SEMA6D: variants seen among roughly 807,000 people sequenced by gnomAD.
The protein encoded by SEMA6D is semaphorin-6D.
Under a neutral mutation model 106.6 loss-of-function variants are expected in SEMA6D, and 35 were observed. That is an observed-to-expected ratio of 0.33 (90% CI 0.25 to 0.44). The LOEUF is 0.44. SEMA6D is among the 20% of genes least tolerant of loss of function. The probability of loss-of-function intolerance (pLI) is 1.00; values close to 1 mark genes in which losing one functional copy is unlikely to be tolerated. For synonymous variants in SEMA6D, 499 were observed against 487.7 expected (o/e 1.02, Z -0.31); for missense variants, 1,185 against 1,345.9 (o/e 0.88, Z 1.87).
At chr15:47,704,670 G>A (rs1040706242) in intron 4 of SEMA6D, among the ~76,000 whole-genome samples, 6 of 152,066 alleles carry the variant, frequency 3.9e-5, no homozygotes, top group African/African-American at 1.4e-4. Context: ...ATGGAGCCAT[G>A]ATCATGCCAC....
At chr15:47,319,460 A>G (rs879413786) in intron 1 of SEMA6D, among the ~76,000 whole-genome samples, 2 of 152,138 alleles carry the variant, frequency 1.3e-5, no homozygotes, top group Non-Finnish European at 2.9e-5. Context: ...CTATAGTCCT[A>G]TAAGTAGGTC....
intron 1 of SEMA6D, among the ~76,000 whole-genome samples, chr15:47,205,931 T>TTTATC (rs71118158): frequency 0.42 from 63,714 of 151,540 alleles, 14,124 homozygotes; most frequent in African/African-American, 0.54. Flanking sequence ...ACAACATTTA[T>TTTATC]TTATTTTGCC....
chr15:47,246,308 A>G (rs2033194195), intron 1 of SEMA6D, among the ~76,000 whole-genome samples: 1 of 152,144 alleles, frequency 6.6e-6, no homozygotes, highest in African/African-American at 2.4e-5. Flanking sequence ...ATTAGAGCCT[A>G]GTTGGAGCTG....
chr15:47,321,009 C>A (rs1317829572), intron 1 of SEMA6D, among the ~76,000 whole-genome samples: 2 of 152,174 alleles, frequency 1.3e-5, no homozygotes, highest in African/African-American at 2.4e-5. Context: ...CACTATGTAG[C>A]TTGATACTTA....
chr15:47,670,747 G>A (rs2078120544), intron 4 of SEMA6D, among the ~76,000 whole-genome samples: 1 of 152,150 alleles, frequency 6.6e-6, no homozygotes, highest in Non-Finnish European at 1.5e-5. Flanking sequence ...CATTTTTAAA[G>A]GGCTGCTATT....
chr15:47,617,821 C>A (rs1308568544), intron 4 of SEMA6D, among the ~76,000 whole-genome samples: 1 of 152,120 alleles, frequency 6.6e-6, no homozygotes, highest in African/African-American at 2.4e-5. Context: ...TAGAACATTG[C>A]CTGGCACAAA....
At chr15:47,313,323 C>T (rs1425173146) in intron 1 of SEMA6D, among the ~76,000 whole-genome samples, 1 of 152,110 alleles carries the variant, frequency 6.6e-6, no homozygotes, top group African/African-American at 2.4e-5. Flanking sequence ...TTTTTACTGT[C>T]TCCATAGTTT....
At chr15:47,652,421 G>A (rs963906743) in intron 4 of SEMA6D, among the ~76,000 whole-genome samples, 3 of 152,132 alleles carry the variant, frequency 2.0e-5, no homozygotes, top group Non-Finnish European at 2.9e-5. Context: ...ATAGGACTTT[G>A]AAGTCTGTGC....
At chr15:47,444,931 G>C (rs1482154105) in intron 2 of SEMA6D, among the ~76,000 whole-genome samples, 1 of 152,118 alleles carries the variant, frequency 6.6e-6, no homozygotes, top group African/African-American at 2.4e-5. Flanking sequence ...ACACGGACTT[G>C]AAGGATGAAT....
rs148508215 is a variant in SEMA6D, at chr15:47,501,549, G to C, written c.-87+31004G>C. ...ATTTAAATTTTAGACTTAAGGTCTA[G>C]TTCAGAAACTAGGTCTATATCTGCC... On this transcript the variant is annotated intron_variant, in intron 3 of 19. Coordinates refer to the SEMA6D transcript ENST00000558014. Among the ~76,000 whole-genome samples, 334 of 152,268 alleles carry C rather than the reference G, an allele frequency of 2.2e-3. 1 individual carries two copies. Among genetic ancestry groups the C allele is most frequent in the African/African-American group, 7.8e-3 (324 of 41,562 alleles).
chr15:47,643,501 G>A lies in SEMA6D; in HGVS notation c.-55+42605G>A, dbSNP rs564379481. On this transcript the variant is annotated intron_variant, in intron 4 of 19. Coordinates refer to the SEMA6D transcript ENST00000558014. Reference sequence around the variant, plus strand: ...TTTTATGTACTTGCTAATCACTTGGGGATTTTAGTAAAATGCAGATTCTGA... The same window carrying A: ...TTTTATGTACTTGCTAATCACTTGGAGATTTTAGTAAAATGCAGATTCTGA... Among the ~76,000 whole-genome samples, 5 of 152,230 alleles carry A rather than the reference G, an allele frequency of 3.3e-5. No individual in the cohort carries two copies. In the South Asian group the frequency reaches 6.2e-4, roughly 19 times the overall value.
chr15:47,336,340 G>A (rs561600496), intron 1 of SEMA6D, among the ~76,000 whole-genome samples: 14 of 152,260 alleles, frequency 9.2e-5, no homozygotes, highest in African/African-American at 3.4e-4. Flanking sequence ...TGGGAATCTC[G>A]GGAAGATTGC....
At chr15:47,553,485 T>C (rs1041035809) in intron 3 of SEMA6D, among the ~76,000 whole-genome samples, 3 of 152,192 alleles carry the variant, frequency 2.0e-5, no homozygotes, top group Non-Finnish European at 2.9e-5. Context: ...TGGCATATTT[T>C]ATTCCTGCTA....
chr15:47,227,906 A>ATCTTATATATATTTTATATATATAAGAT (rs1566938357), intron 1 of SEMA6D, among the ~76,000 whole-genome samples: 6 of 141,136 alleles, frequency 4.3e-5, no homozygotes, highest in Non-Finnish European at 7.6e-5. Flanking sequence ...ATATATAAGA[A>ATCTTATATATATTTTATATATATAAGAT]TCTTATATAT....
chr15:47,585,104 C>T (rs2076314678), intron 3 of SEMA6D, among the ~76,000 whole-genome samples: 1 of 152,190 alleles, frequency 6.6e-6, no homozygotes, highest in Non-Finnish European at 1.5e-5. Flanking sequence ...CTGTTTATGT[C>T]AAGTCAGATC....
rs568383962 is a variant in SEMA6D at position 47,226,225 on chromosome 15, A to G, written c.-239+41807A>G. ...AACCACCAGAAACTAGGAAAACACC[A>G]TGGAGCAGATTTTCCCTTCACAGAC... is the stretch of plus-strand genomic sequence containing the variant. On this transcript the variant is annotated intron_variant, in intron 1 of 19. Coordinates refer to the SEMA6D transcript ENST00000558014. 6.6e-5 allele frequency among the ~76,000 whole-genome samples: 10 copies of G among 152,192 alleles called. No homozygotes were observed. The South Asian group carries it at 1.9e-3, about 28-fold the overall frequency.
chr15:47,499,552 G>C (rs766780451), intron 3 of SEMA6D, among the ~76,000 whole-genome samples: 1 of 152,020 alleles, frequency 6.6e-6, no homozygotes, highest in Non-Finnish European at 1.5e-5. Flanking sequence ...GCTTTATAAA[G>C]TATGATGACT....
At chr15:47,646,715 G>C (rs567274001) in intron 4 of SEMA6D, among the ~76,000 whole-genome samples, 1 of 152,214 alleles carries the variant, frequency 6.6e-6, no homozygotes, top group South Asian at 2.1e-4. Context: ...TTCAACTTTA[G>C]GAAAAAAGTG....
rs190448270 is a variant in SEMA6D at position 47,255,091 on chromosome 15, G to C, written c.-239+70673G>C. Among the ~76,000 whole-genome samples the C allele has an allele frequency of 2.0e-3, 300 of 152,166 alleles. 2 individuals are homozygous for C. The highest frequency in any genetic ancestry group is 6.9e-3 in the African/African-American group (285 of 41,540). On this transcript the variant is annotated intron_variant, in intron 1 of 19. Coordinates refer to the SEMA6D transcript ENST00000558014. ...CAGGTTCTTGGCTTCTATTTGATGGGAGAATCTTGATAACTGCTTCAATCT... is the reference window on the plus strand; with the variant it reads ...CAGGTTCTTGGCTTCTATTTGATGGCAGAATCTTGATAACTGCTTCAATCT...
Sources: gnomAD v4.1 joint callset for allele counts (sites outside exome capture counted in the v4.1 genomes callset) on GRCh38, gnomAD v4.1.1 for gene constraint, MANE v1.5 for transcripts, NCBI Gene and HGNC (gene_info 2026-07-23, HGNC 2026-07-21) for gene names.